DPY30: variants seen among roughly 807,000 people sequenced by gnomAD.
DPY30 encodes the protein protein dpy-30 homolog.
Under a neutral mutation model 16.2 loss-of-function variants are expected in DPY30, and 6 were observed. The ratio of observed to expected loss-of-function variants is 0.37; its 90% CI spans 0.20 to 0.73. DPY30 has a LOEUF of 0.73. Ranked by LOEUF, DPY30 falls within the 30% of genes least tolerant of loss-of-function variation. The pLI, the probability that DPY30 is intolerant of heterozygous loss-of-function variation, is 0.51. For missense variants in DPY30, 73 were observed against 113.1 expected, an observed-to-expected ratio of 0.65 and a Z score of 1.61; for synonymous variants, 39 against 38.8, an observed-to-expected ratio of 1.00 and a Z score of -0.02.
intron 5 of DPY30, among the ~76,000 whole-genome samples, chr2:32,017,354 T>C (rs1224847524): frequency 6.6e-6 from 1 of 151,914 alleles, no homozygotes; most frequent in African/African-American, 2.4e-5. Context: ...TGGTGGCTTA[T>C]GCCTATAATC....
chr2:32,031,350 G>T (rs1433055535), intron 3 of DPY30, among the ~76,000 whole-genome samples: 1 of 150,670 alleles, frequency 6.6e-6, no homozygotes, highest in Non-Finnish European at 1.5e-5. Context: ...AACCTGGGAG[G>T]TGAAGGTTGC....
intron 5 of DPY30, among the ~76,000 whole-genome samples, chr2:32,014,514 C>T (rs370534579): frequency 1.1e-4 from 16 of 150,128 alleles, no homozygotes; most frequent in African/African-American, 3.9e-4. Flanking sequence ...GACGGAGTCT[C>T]GCTCTGTTGC....
intron 3 of DPY30, among the ~76,000 whole-genome samples, chr2:32,033,384 G>A (rs377284254): frequency 1.3e-5 from 2 of 149,226 alleles, no homozygotes; most frequent in African/African-American, 5.0e-5. Flanking sequence ...ATAAGAAAGA[G>A]CAATGTGGCC....
intron 1 of DPY30, 104 bp downstream of exon 1, chr2:32,039,629 A>G (rs923796582): frequency 1.7e-5 from 13 of 752,476 alleles, no homozygotes; most frequent in Non-Finnish European, 2.9e-5. Context: ...AGAGCAGCAG[A>G]GTGGGACAGT....
chr2:32,032,893 G>A (rs921974500), intron 3 of DPY30, among the ~76,000 whole-genome samples: 1 of 152,050 alleles, frequency 6.6e-6, no homozygotes, highest in Non-Finnish European at 1.5e-5. Context: ...CTATTCAGGA[G>A]GCTAAGGCAG....
At chr2:32,037,589 A>G (rs1199321689) in intron 3 of DPY30, among the ~76,000 whole-genome samples, 2 of 148,682 alleles carry the variant, frequency 1.3e-5, no homozygotes, top group African/African-American at 5.0e-5. Context: ...ACAGAGTCTC[A>G]CTCTGTCACC....
At chr2:32,037,494 A>G (rs889418201) in intron 3 of DPY30, among the ~76,000 whole-genome samples, 1 of 151,852 alleles carries the variant, frequency 6.6e-6, no homozygotes, top group Non-Finnish European at 1.5e-5. Context: ...TTTTGTAGAA[A>G]CAGGGTTTGT....
At chr2:32,029,782 G>A in intron 3 of DPY30, 46 bp from the exon 4 acceptor site, 1 of 1,598,720 alleles carries the variant, frequency 6.3e-7, no homozygotes, top group Non-Finnish European at 8.6e-7. Flanking sequence ...AAATAACCAG[G>A]TTATTTTGAG....
chr2:32,038,090 T>C (rs1164676609), intron 3 of DPY30, among the ~76,000 whole-genome samples: 3 of 151,686 alleles, frequency 2.0e-5, no homozygotes, highest in African/African-American at 7.3e-5. Context: ...CCTAGGCAGG[T>C]TGGCATTTTT....
intron 3 of DPY30, 37 bp downstream of exon 3, chr2:32,039,242 G>A: frequency 6.2e-7 from 1 of 1,613,936 alleles, no homozygotes; most frequent in Non-Finnish European, 8.5e-7. Flanking sequence ...GCTTGCAAGA[G>A]ACAACACAGA....
Position 32,029,584 on chromosome 2 carries a change from A to G in DPY30, c.227+10T>C, listed in dbSNP as rs370190553. On this transcript the variant is annotated intron_variant, in intron 4 of 4. Coordinates refer to ENST00000342166, the MANE Select transcript of DPY30 (RefSeq NM_001321209.2). ...TTTACTAACTCCATTTGTGGACACA[A>G]TTATCTTACCTTTCCTTTGCAAGCA... is the stretch of plus-strand genomic sequence containing the variant. 8.1e-6 allele frequency: 13 copies of G among 1,611,328 alleles called. No homozygotes were observed. The highest frequency in any genetic ancestry group is 7.6e-6 in the Non-Finnish European group (9 of 1,179,324).
chr2:32,039,605 G>A, intron 1 of DPY30, 113 bp from the exon 2 acceptor site: 2 of 962,698 alleles, frequency 2.1e-6, no homozygotes, highest in Non-Finnish European at 3.1e-6. Flanking sequence ...GGGCGCGGGA[G>A]CACCACGAGC....
At chr2:32,037,723 A>C (rs555968987) in intron 3 of DPY30, among the ~76,000 whole-genome samples, 125 of 151,758 alleles carry the variant, frequency 8.2e-4, no homozygotes, top group Non-Finnish European at 1.5e-3. Flanking sequence ...ACGCCTGGCT[A>C]ATTTTTGTAT....
chr2:32,013,688 C>T (rs930447281), intron 5 of DPY30, among the ~76,000 whole-genome samples: 1 of 152,158 alleles, frequency 6.6e-6, no homozygotes, highest in Non-Finnish European at 1.5e-5. Context: ...TATTAACAGA[C>T]AATCCTTATG....
intron 4 of DPY30, among the ~76,000 whole-genome samples, chr2:32,027,077 ACCAG>A (rs1675360319): frequency 1.3e-5 from 2 of 151,886 alleles, no homozygotes; most frequent in South Asian, 4.2e-4. Flanking sequence ...GGAGTTAGAG[ACCAG>A]CCTGGCCAAC....
chr2:32,020,808 CAAGT>C (rs559058033), downstream of DPY30: 9 of 151,996 alleles, frequency 5.9e-5, no homozygotes, highest in Non-Finnish European at 1.0e-4. Context: ...CATAAATACT[CAAGT>C]AAGTATTATG....
At position 32,038,139 on chromosome 2, in the gene DPY30, T is replaced by C. The variant is rs75929722; in HGVS notation, c.84+1140A>G. Among the ~76,000 whole-genome samples the C allele has an allele frequency of 3.3e-3, 244 of 73,034 alleles. 1 individual carries two copies. The East Asian group carries it at 0.041, about 12-fold the overall frequency. 47.9% of individuals were successfully genotyped at this position (73,034 alleles called of 152,430 possible). A position where few individuals can be genotyped will look rare whatever the true frequency, so the allele number is the denominator to read the frequency against. ...CTTGTATTGCTCATTTTCTTTCTTTTTTTTTTTTTTTTTTTGGACAAAGTC... is the reference window on the plus strand; with the variant it reads ...CTTGTATTGCTCATTTTCTTTCTTTCTTTTTTTTTTTTTTTGGACAAAGTC... On this transcript the variant is annotated intron_variant, in intron 3 of 4. Transcript: ENST00000342166.
chr2:32,012,361 A>G (rs1429071378), intron 5 of DPY30, among the ~76,000 whole-genome samples: 1 of 151,038 alleles, frequency 6.6e-6, no homozygotes, highest in Non-Finnish European at 1.5e-5. Context: ...TGCACAAAAC[A>G]TAATATGCAA....
In DPY30 at chr2:32,039,344, G is replaced by A. The variant is rs752913150; in HGVS notation, c.37-18C>T. 2 of 1,614,046 alleles carry A rather than the reference G, an allele frequency of 1.2e-6. No individual in the cohort carries two copies. Among genetic ancestry groups the A allele is most frequent in the Non-Finnish European group, 1.7e-6 (2 of 1,180,012 alleles). ...TCTGCAACCTAGAAAACAAAACACC[G>A]GTCACAGAGATATAAGTCCCCCCTT... On this transcript the variant is annotated intron_variant, in intron 2 of 4. Transcript: ENST00000342166.
Sources: allele counts gnomAD v4.1 joint callset (sites outside exome capture counted in the v4.1 genomes callset), GRCh38; gene constraint gnomAD v4.1.1; transcripts MANE v1.5; gene names NCBI Gene and HGNC (gene_info 2026-07-23, HGNC 2026-07-21).